The following TENM1 variants were observed in gnomAD, a reference collection of about 807,000 sequenced individuals.
The protein encoded by TENM1 is teneurin-1.
In TENM1, 35 loss-of-function variants were observed where a neutral mutation model predicts 174.8. The ratio of observed to expected loss-of-function variants is 0.20; its 90% CI spans 0.15 to 0.27. The LOEUF (loss-of-function observed/expected upper bound fraction) is 0.27. Among genes scored for constraint, TENM1 ranks in the 10% least tolerant of loss-of-function variants. The pLI, the probability that TENM1 is intolerant of heterozygous loss-of-function variation, is 1.00. For missense variants in TENM1, 1,633 were observed against 2,130.1 expected, an observed-to-expected ratio of 0.77 and a Z score of 4.59; for synonymous variants, 781 against 798.7, an observed-to-expected ratio of 0.98 and a Z score of 0.37.
At chrX:124,381,081 C>T in exon 32 of TENM1, 1 of 1,211,859 alleles carries the variant, frequency 8.3e-7, no homozygotes. Context: ...CTGCTATCTT[C>T]ATTGGCTACT....
the TENM1 span, among the ~76,000 whole-genome samples, chrX:125,007,321 TTA>T: frequency 1.9e-5 from 2 of 105,028 alleles, no homozygotes; most frequent in African/African-American, 7.1e-5. Context: ...GCAGACAACA[TTA>T]GAGAAAAAAG....
chrX:124,784,124 C>T (rs1186649289), intron 3 of TENM1, among the ~76,000 whole-genome samples: 2 of 112,014 alleles, frequency 1.8e-5, no homozygotes, highest in African/African-American at 6.5e-5. Flanking sequence ...ACAGTCTCCA[C>T]AAAATAACAA....
chrX:124,974,297 A>T, the TENM1 span, among the ~76,000 whole-genome samples: 2 of 111,803 alleles, frequency 1.8e-5, no homozygotes, highest in African/African-American at 6.5e-5. Context: ...TTTGGACATT[A>T]AGTTTCCAAC....
At chrX:124,851,447 C>T (rs889403416) in intron 3 of TENM1, among the ~76,000 whole-genome samples, 2 of 111,562 alleles carry the variant, frequency 1.8e-5, no homozygotes, top group Admixed American at 1.9e-4. Context: ...ATCTAAGGGG[C>T]ATGTATGTGC....
intron 11 of TENM1, among the ~76,000 whole-genome samples, chrX:124,588,533 G>C (rs923318545): frequency 9.4e-5 from 10 of 106,620 alleles, no homozygotes; most frequent in African/African-American, 3.4e-4. Context: ...CACACTCTGG[G>C]GACTGTTGTG....
At chrX:124,405,086 C>T in exon 27 of TENM1, 1 of 1,211,623 alleles carries the variant, frequency 8.3e-7, no homozygotes, top group Non-Finnish European at 1.1e-6. Flanking sequence ...CTTCCTCTGC[C>T]GCCACTCGAT....
chrX:124,941,766 T>C (rs2058330535), intron 1 of TENM1, among the ~76,000 whole-genome samples: 1 of 111,505 alleles, frequency 9.0e-6, no homozygotes, highest in East Asian at 2.8e-4. Flanking sequence ...AGAAATTGTA[T>C]TAGTTCATTT....
At chrX:125,064,002 C>T in the TENM1 span, among the ~76,000 whole-genome samples, 324 of 111,120 alleles carry the variant, frequency 2.9e-3, 2 homozygotes, top group African/African-American at 9.9e-3. Flanking sequence ...GAGTTCATGT[C>T]CTTTGTAGGG....
chrX:124,846,402 A>G (rs1201489513), intron 3 of TENM1, among the ~76,000 whole-genome samples: 1 of 111,574 alleles, frequency 9.0e-6, no homozygotes. Flanking sequence ...GAAGTGATTC[A>G]CCGTGGCTCA....
At chrX:124,471,406 A>G (rs1322501021) in intron 22 of TENM1, among the ~76,000 whole-genome samples, 6,276 of 35,065 alleles carry the variant, frequency 0.18, 1,544 homozygotes, top group Middle Eastern at 0.33. Flanking sequence ...AATATATATT[A>G]TAATATATAG....
At chrX:124,635,327 G>C (rs16999324) in intron 11 of TENM1, among the ~76,000 whole-genome samples, 1,240 of 112,262 alleles carry the variant, frequency 0.011, 17 homozygotes, top group African/African-American at 0.038. Context: ...ACATGTCATA[G>C]GATAGTGTAA....
chrX:125,184,466 T>C, the TENM1 span, among the ~76,000 whole-genome samples: 191 of 111,923 alleles, frequency 1.7e-3, no homozygotes, highest in African/African-American at 5.5e-3. Flanking sequence ...TTGGCAATAG[T>C]ATTCCCTTAA....
the TENM1 span, among the ~76,000 whole-genome samples, chrX:125,158,401 C>CAAAAAAAAA: frequency 2.7e-5 from 1 of 36,537 alleles, no homozygotes; most frequent in Non-Finnish European, 4.6e-5. Context: ...GAATCCATCT[C>CAAAAAAAAA]AAAAAAAAAA....
At chrX:124,493,555 A>G (rs1006651423) in intron 20 of TENM1, among the ~76,000 whole-genome samples, 5 of 111,577 alleles carry the variant, frequency 4.5e-5, no homozygotes, top group African/African-American at 1.6e-4. Flanking sequence ...AGTCTGGATG[A>G]CTGGAAACAT....
intron 14 of TENM1, among the ~76,000 whole-genome samples, chrX:124,550,534 AG>A (rs2048535606): frequency 9.0e-6 from 1 of 111,162 alleles, no homozygotes; most frequent in Admixed American, 9.6e-5. Flanking sequence ...AAAGAAGGGG[AG>A]GCTAAATGTA....
At chrX:124,892,261 G>T (rs1402094604) in intron 3 of TENM1, among the ~76,000 whole-genome samples, 3 of 111,593 alleles carry the variant, frequency 2.7e-5, no homozygotes, top group Admixed American at 9.6e-5. Context: ...ATGCATTAGT[G>T]CTCTGATACC....
rs376190423 is a variant in TENM1 at position 124,843,482 on chromosome X, C to T, written c.535+50814G>A. 6.3e-5 allele frequency among the ~76,000 whole-genome samples: 7 copies of T among 111,108 alleles called. No individual in the cohort carries two copies. The South Asian group carries it at 1.5e-3, about 25-fold the overall frequency. ...TACAGCTGATTCCCGTTGCCTCCCC[C>T]CCTCCCTACTCCTTTCACCAGATCA... On this transcript the variant is annotated intron_variant, in intron 3 of 31. Transcript: ENST00000422452.
rs1369561263 is a variant in TENM1 at position 124,756,687 on chromosome X, T to G, written c.536-19490A>C. On this transcript the variant is annotated intron_variant, in intron 3 of 31. Coordinates refer to ENST00000422452, the Ensembl canonical transcript of TENM1. ...GTTTTTGGTGTGGATGTCCTTTCTG[T>G]TTGTTAGTTTTCCTTCTAACAGACA... 1.9e-3 allele frequency among the ~76,000 whole-genome samples: 207 copies of G among 111,019 alleles called. 1 individual carries two copies. Among genetic ancestry groups the G allele is most frequent in the African/African-American group, 4.5e-3 (138 of 30,617 alleles).
intron 3 of TENM1, among the ~76,000 whole-genome samples, chrX:124,765,419 C>G (rs1490016808): frequency 9.0e-6 from 1 of 111,691 alleles, no homozygotes; most frequent in African/African-American, 3.2e-5. Context: ...ACTCTCATAG[C>G]ACCTGCAGTG....
Sources: allele counts gnomAD v4.1 joint callset (sites outside exome capture counted in the v4.1 genomes callset), GRCh38; gene constraint gnomAD v4.1.1; transcripts MANE v1.5; gene names NCBI Gene and HGNC (gene_info 2026-07-23, HGNC 2026-07-21).